CCDC134: variants seen among roughly 807,000 people sequenced by gnomAD.
The protein encoded by CCDC134 is coiled-coil domain-containing protein 134.
CCDC134 carries 27 observed loss-of-function variants against 25.6 expected under a neutral mutation model. The observed-to-expected ratio is 1.05, with a 90% CI of 0.78 to 1.45. The LOEUF (loss-of-function observed/expected upper bound fraction) is 1.45. Among genes scored for constraint, CCDC134 ranks in the 40% most tolerant of loss-of-function variants. The probability of loss-of-function intolerance (pLI) is 0.00; values close to 1 mark genes in which losing one functional copy is unlikely to be tolerated. For synonymous variants in CCDC134, 110 were observed against 115.0 expected (o/e 0.96, Z 0.28); for missense variants, 261 against 286.7 (o/e 0.91, Z 0.65).
At chr22:41,820,017 C>T (rs1198433113) in intron 6 of CCDC134, among the ~76,000 whole-genome samples, 5 of 116,642 alleles carry the variant, frequency 4.3e-5, no homozygotes, top group Admixed American at 1.7e-4. Context: ...TTTTTTGAGA[C>T]GGAGTCTCAC....
intron 1 of CCDC134, among the ~76,000 whole-genome samples, chr22:41,807,498 G>A (rs971703734): frequency 6.6e-6 from 1 of 151,228 alleles, no homozygotes; most frequent in African/African-American, 2.4e-5. Flanking sequence ...GGAAGTGGAG[G>A]CTGCAATGAG....
chr22:41,820,187 G>A (rs933690773), intron 6 of CCDC134, among the ~76,000 whole-genome samples: 6 of 149,874 alleles, frequency 4.0e-5, no homozygotes. Context: ...TAATATAGAC[G>A]GGGTTTCACC....
chr22:41,819,976 T>TATATATATAC (rs2076641544), intron 6 of CCDC134, among the ~76,000 whole-genome samples: 1 of 115,276 alleles, frequency 8.7e-6, no homozygotes, highest in Non-Finnish European at 1.7e-5. Flanking sequence ...TATATATATA[T>TATATATATAC]ATATATATAT....
chr22:41,801,922 T>C (rs936470059), intron 1 of CCDC134, among the ~76,000 whole-genome samples: 1 of 152,104 alleles, frequency 6.6e-6, no homozygotes, highest in African/African-American at 2.4e-5. Context: ...AAAATGAGGA[T>C]TACATGATTA....
Position 41,825,569 on chromosome 22 carries a change from T to C in CCDC134, c.565-129T>C. On this transcript the variant is annotated intron_variant, in intron 6 of 6. Transcript: ENST00000255784. This position sits in a 1 kb window ranked among gnomAD's most constrained non-coding sequence, Gnocchi z 4.4. ...CAGCAGTTCTCCCAAACCCATTTCCTGTCTCCGTGTCTGGGGCAGGGCCTG... is the reference window on the plus strand; with the variant it reads ...CAGCAGTTCTCCCAAACCCATTTCCCGTCTCCGTGTCTGGGGCAGGGCCTG... 8.1e-7 allele frequency: 1 copy of C among 1,229,810 alleles called. No homozygotes were observed. Among genetic ancestry groups the C allele is most frequent in the Non-Finnish European group, 1.1e-6 (1 of 881,308 alleles). 76.2% of individuals were successfully genotyped at this position (1,229,810 alleles called of 1,614,324 possible).
chr22:41,813,723 A>G (rs775997509), intron 5 of CCDC134, 28 bp from the exon 6 acceptor site: 1 of 1,607,566 alleles, frequency 6.2e-7, no homozygotes, highest in South Asian at 1.1e-5. Context: ...GAGAAGGCAG[A>G]TGATGACTAG....
At chr22:41,824,122 G>A (rs1056318290) in intron 6 of CCDC134, among the ~76,000 whole-genome samples, 1 of 152,188 alleles carries the variant, frequency 6.6e-6, no homozygotes, top group East Asian at 1.9e-4. Context: ...CTGGGAGGGC[G>A]ATGGGCACAA....
chr22:41,824,632 C>T (rs1039701593), intron 6 of CCDC134, among the ~76,000 whole-genome samples: 15 of 152,002 alleles, frequency 9.9e-5, no homozygotes, highest in Non-Finnish European at 2.1e-4. Context: ...TGGTGGTGGG[C>T]GCTTGTAATC....
rs116948521 is a variant in CCDC134, at chr22:41,818,028, T to C, written c.564+4206T>C. On this transcript the variant is annotated intron_variant, in intron 6 of 6. Coordinates refer to ENST00000255784, the MANE Select transcript of CCDC134 (RefSeq NM_024821.5). ...TTCCCAGAACCACTCCCAGGCTTGA[T>C]GGTTCAATAGGAGGATTCACAGGAC... Among the ~76,000 whole-genome samples, 192 of 152,292 alleles carry C rather than the reference T, an allele frequency of 1.3e-3. 3 individuals carry two copies. In the East Asian group the frequency reaches 0.033, roughly 26 times the overall value.
Position 41,809,006 on chromosome 22 carries a change from G to T in CCDC134, c.103+13G>T, listed in dbSNP as rs1469119538. 4 of 1,602,248 alleles carry T rather than the reference G, an allele frequency of 2.5e-6. No homozygotes were observed. The highest frequency in any genetic ancestry group is 1.1e-5 in the South Asian group (1 of 90,758). On this transcript the variant is annotated intron_variant, in intron 2 of 6. Coordinates refer to ENST00000255784, the MANE Select transcript of CCDC134 (RefSeq NM_024821.5). Reference sequence around the variant, plus strand: ...AGCCTGGAGATCTGTATCCTTTGGGGTTGTAGTTAATGAGCTGTCTTTGAG... The same window carrying T: ...AGCCTGGAGATCTGTATCCTTTGGGTTTGTAGTTAATGAGCTGTCTTTGAG...
Position 41,829,430 on chromosome 22 carries a change from C to T in CCDC134, c.*3607C>T, listed in dbSNP as rs2076694697. The stretch of plus-strand genomic sequence containing the variant: ...CTCTAAGACCTAAAAGCTGAATACT[C>T]GCCCGGTTACTACCTGATAATTCTC... On this transcript the variant is annotated 3_prime_UTR_variant, in exon 7 of 7. Coordinates refer to ENST00000255784, the MANE Select transcript of CCDC134 (RefSeq NM_024821.5). Among the ~76,000 whole-genome samples the T allele has an allele frequency of 6.6e-6, 1 of 152,206 alleles. No homozygotes were observed. Among genetic ancestry groups the T allele is most frequent in the Admixed American group, 6.5e-5 (1 of 15,280 alleles).
rs751815735 is a variant in CCDC134, at chr22:41,825,791, C to T, written c.658C>T (p.Pro220Ser). 8 of 1,614,014 alleles carry T rather than the reference C, an allele frequency of 5.0e-6. No individual in the cohort carries two copies. The highest frequency in any genetic ancestry group is 3.3e-5 in the Admixed American group (2 of 60,002). The stretch of plus-strand genomic sequence containing the variant: ...GAAGCGGAAGGAGATCCGAAAAGGC[C>T]CAAGGATCTCCAGATCCCAGTCTGA... ...EEKRKEIRKGPRISRSQSEL is the reference protein window; with the variant it reads ...EEKRKEIRKGSRISRSQSEL Residue 220 changes from proline to serine, a missense_variant, in exon 7 of 7, where the codon CCA becomes TCA. Coordinates refer to ENST00000255784, the MANE Select transcript of CCDC134 (RefSeq NM_024821.5). The surrounding 1 kb of genome is among the most constrained non-coding windows in gnomAD (Gnocchi z 4.4).
At chr22:41,802,503 T>A (rs1053865155) in intron 1 of CCDC134, among the ~76,000 whole-genome samples, 9 of 152,146 alleles carry the variant, frequency 5.9e-5, no homozygotes, top group Admixed American at 2.6e-4. Flanking sequence ...ATCACTTGAG[T>A]CCAGAAGTTC....
chr22:41,804,031 G>C (rs2076556464), intron 1 of CCDC134, among the ~76,000 whole-genome samples: 2 of 152,040 alleles, frequency 1.3e-5, no homozygotes, highest in South Asian at 4.2e-4. Flanking sequence ...TACTCGGGAG[G>C]CTGAGGCAGG....
intron 6 of CCDC134, among the ~76,000 whole-genome samples, chr22:41,815,144 C>T (rs1457817232): frequency 6.6e-6 from 1 of 151,440 alleles, no homozygotes; most frequent in Non-Finnish European, 1.5e-5. Flanking sequence ...GCCACCCCAA[C>T]AGTCTGCCCC....
At position 41,829,431 on chromosome 22, in the gene CCDC134, G is replaced by T. The variant is rs563557989; in HGVS notation, c.*3608G>T. On this transcript the variant is annotated 3_prime_UTR_variant, in exon 7 of 7. Coordinates refer to ENST00000255784, the MANE Select transcript of CCDC134 (RefSeq NM_024821.5). ...TCTAAGACCTAAAAGCTGAATACTCGCCCGGTTACTACCTGATAATTCTCA... is the reference window on the plus strand; with the variant it reads ...TCTAAGACCTAAAAGCTGAATACTCTCCCGGTTACTACCTGATAATTCTCA... Among the ~76,000 whole-genome samples, 2 of 152,196 alleles carry T rather than the reference G, an allele frequency of 1.3e-5. No homozygotes were observed. The highest frequency in any genetic ancestry group is 1.9e-4 in the East Asian group (1 of 5,184).
At chr22:41,811,467 C>T (rs1268944639) in intron 4 of CCDC134, among the ~76,000 whole-genome samples, 4 of 152,164 alleles carry the variant, frequency 2.6e-5, no homozygotes, top group African/African-American at 9.7e-5. Context: ...CTTACTCCAT[C>T]ACCCAGGCTG....
At chr22:41,815,093 C>A (rs2076616095) in intron 6 of CCDC134, among the ~76,000 whole-genome samples, 1 of 152,038 alleles carries the variant, frequency 6.6e-6, no homozygotes, top group South Asian at 2.1e-4. Flanking sequence ...TTTGGTGTGC[C>A]CTGCAAGAAT....
intron 6 of CCDC134, among the ~76,000 whole-genome samples, chr22:41,820,646 G>A (rs1019577700): frequency 2.0e-5 from 3 of 152,204 alleles, no homozygotes; most frequent in Admixed American, 6.5e-5. Context: ...GGGATTTGCT[G>A]AGGAAGCATA....
Sources: gnomAD v4.1 joint callset for allele counts (sites outside exome capture counted in the v4.1 genomes callset) on GRCh38, gnomAD v4.1.1 for gene constraint, Gnocchi (gnomAD v3.1) non-coding constraint, MANE v1.5 for transcripts, NCBI Gene and HGNC (gene_info 2026-07-23, HGNC 2026-07-21) for gene names.